KGD4: variants seen among roughly 807,000 people sequenced by gnomAD.
The protein encoded by KGD4 is alpha-ketoglutarate dehydrogenase component 4.
At chr5:69,219,975 A>G in the KGD4 span, among the ~76,000 whole-genome samples, 8 of 152,212 alleles carry the variant, frequency 5.3e-5, no homozygotes, top group Non-Finnish European at 1.2e-4. Context: ...TATGCCTGTA[A>G]TCCCAACACT....
the KGD4 span, chr5:69,228,535 A>G: frequency 5.2e-4 from 366 of 708,232 alleles, 1 homozygote; most frequent in Middle Eastern, 1.0e-3. Flanking sequence ...GGCCAAGACT[A>G]TGAGAAAGAA....
At chr5:69,226,921 G>A in the KGD4 span, among the ~76,000 whole-genome samples, 1 of 151,994 alleles carries the variant, frequency 6.6e-6, no homozygotes, top group Non-Finnish European at 1.5e-5. Context: ...GCCCAGGCTG[G>A]AGTGCAGTGG....
the KGD4 span, among the ~76,000 whole-genome samples, chr5:69,220,765 GAA>G: frequency 6.6e-6 from 1 of 152,104 alleles, no homozygotes; most frequent in South Asian, 2.1e-4. Flanking sequence ...GTGGGGAAAA[GAA>G]AGAGAGATCA....
the KGD4 span, chr5:69,218,046 C>A: frequency 1.9e-6 from 2 of 1,035,802 alleles, no homozygotes; most frequent in Non-Finnish European, 1.4e-6. Flanking sequence ...CCTGTTGGAC[C>A]GGGCAGTGAG....
chr5:69,229,657 A>G, the KGD4 span: 1 of 157,124 alleles, frequency 6.4e-6, no homozygotes, highest in Non-Finnish European at 1.4e-5. Context: ...GATCAGTGAA[A>G]TAATTACTCT....
chr5:69,218,685 A>G, the KGD4 span, among the ~76,000 whole-genome samples: 2 of 152,206 alleles, frequency 1.3e-5, no homozygotes, highest in African/African-American at 4.8e-5. Context: ...GTTGGTTTAC[A>G]TAGTCTTTGA....
the KGD4 span, among the ~76,000 whole-genome samples, chr5:69,228,678 G>A: frequency 6.6e-6 from 1 of 152,166 alleles, no homozygotes; most frequent in Middle Eastern, 3.4e-3. Context: ...AGAAATTTAA[G>A]GACAGGTCAA....
At chr5:69,228,309 C>T in the KGD4 span, 1 of 1,606,964 alleles carries the variant, frequency 6.2e-7, no homozygotes, top group South Asian at 1.1e-5. Flanking sequence ...GTCCACCAGA[C>T]ACTGCAGAAA....
At chr5:69,228,164 T>G in the KGD4 span, 2 of 1,491,114 alleles carry the variant, frequency 1.3e-6, no homozygotes, top group African/African-American at 1.5e-5. Context: ...ATCTGAACAA[T>G]TTCTCTAATA....
At chr5:69,229,083 C>T in the KGD4 span, 1 of 476,088 alleles carries the variant, frequency 2.1e-6, no homozygotes, top group South Asian at 2.3e-5. Flanking sequence ...TTGACTAATT[C>T]AAAACTATTT....
the KGD4 span, chr5:69,229,863 G>A: frequency 6.6e-6 from 1 of 151,846 alleles, no homozygotes; most frequent in Non-Finnish European, 1.5e-5. Flanking sequence ...GAAAATAAGA[G>A]ATCAAAATGA....
the KGD4 span, chr5:69,217,786 C>A: frequency 1.2e-6 from 2 of 1,612,824 alleles, no homozygotes; most frequent in Non-Finnish European, 1.7e-6. Context: ...CCAGTGATCG[C>A]CGCGGCTCGC....
At chr5:69,223,056 G>T in the KGD4 span, among the ~76,000 whole-genome samples, 1 of 139,068 alleles carries the variant, frequency 7.2e-6, no homozygotes, top group Non-Finnish European at 1.5e-5. Context: ...GATGACAGGC[G>T]TGAGTCACGG....
the KGD4 span, chr5:69,217,773 A>C: frequency 6.2e-7 from 1 of 1,608,846 alleles, no homozygotes; most frequent in Non-Finnish European, 8.5e-7. Context: ...GCTGCCCGGG[A>C]CTCCAGTGAT....
chr5:69,225,028 C>T, the KGD4 span, among the ~76,000 whole-genome samples: 1 of 147,904 alleles, frequency 6.8e-6, no homozygotes, highest in Non-Finnish European at 1.5e-5. Flanking sequence ...GAGCTGAGAT[C>T]GTGCCGCTGC....
the KGD4 span, among the ~76,000 whole-genome samples, chr5:69,227,044 G>C: frequency 5.9e-5 from 9 of 152,008 alleles, no homozygotes; most frequent in East Asian, 1.8e-3. Flanking sequence ...GCTAATTTTT[G>C]TATTTTTAGT....
At chr5:69,219,318 T>C in the KGD4 span, among the ~76,000 whole-genome samples, 2 of 152,180 alleles carry the variant, frequency 1.3e-5, no homozygotes, top group East Asian at 3.8e-4. Flanking sequence ...ATACTGTCTC[T>C]GTACGTAAAT....
the KGD4 span, among the ~76,000 whole-genome samples, chr5:69,224,559 T>C: frequency 7.2e-5 from 11 of 152,170 alleles, no homozygotes; most frequent in South Asian, 8.3e-4. Flanking sequence ...TGTTTTTTCT[T>C]CCCTGTTAGG....
chr5:69,228,546 A>G, the KGD4 span, among the ~76,000 whole-genome samples: 3 of 152,212 alleles, frequency 2.0e-5, no homozygotes, highest in Non-Finnish European at 4.4e-5. Context: ...TGAGAAAGAA[A>G]CCATAGTCAA....
Sources: allele counts gnomAD v4.1 joint callset (sites outside exome capture counted in the v4.1 genomes callset), GRCh38; gene constraint gnomAD v4.1.1; transcripts MANE v1.5; gene names NCBI Gene and HGNC (gene_info 2026-07-23, HGNC 2026-07-21).